Variants in KMT2C observed in about 807,000 individuals in gnomAD.
KMT2C encodes histone-lysine N-methyltransferase 2C.
In KMT2C, 88 loss-of-function variants were observed where a neutral mutation model predicts 507.9. The observed-to-expected ratio is 0.17, with a 90% CI of 0.15 to 0.21. The LOEUF (loss-of-function observed/expected upper bound fraction) is 0.21, where lower values mean the gene tolerates loss of function less well. Ranked by LOEUF, KMT2C falls within the 10% of genes least tolerant of loss-of-function variation. The pLI, the probability that KMT2C is intolerant of heterozygous loss-of-function variation, is 1.00. For synonymous variants in KMT2C, 2,049 were observed against 2,080.8 expected (o/e 0.98, Z 0.42); for missense variants, 4,954 against 5,957.8 (o/e 0.83, Z 5.55).
Position 152,252,679 on chromosome 7 carries a change from T to C in KMT2C, c.1336A>G (p.Ser446Gly), listed in dbSNP as rs2095580232. The C allele has an allele frequency of 1.9e-6, 3 of 1,613,516 alleles. No individual in the cohort carries two copies. The highest frequency in any genetic ancestry group is 1.7e-6 in the Non-Finnish European group (2 of 1,179,624). Residue 446 changes from serine to glycine, a missense_variant, in exon 10 of 59, where the codon AGT (serine) becomes GGT (glycine). By Grantham distance (56) the Ser-to-Gly change is moderately conservative. Around this residue, in one of 29 missense-constraint regions of KMT2C, gnomAD observed 376 missense variants for 352.4 expected, o/e 1.07. Transcript: ENST00000262189. The stretch of plus-strand genomic sequence containing the variant: ...AGGCAATTGTGGTGCCACTGAGAAC[T>C]AGACCGTGTGCCACACTCTATACAT... ...RICIECGTRSSSQWHHNCLIC... is the reference protein window; with the variant it reads ...RICIECGTRSGSQWHHNCLIC...
intron 37 of KMT2C, 41 bp from the exon 38 acceptor site, chr7:152,178,051 GTAT>G (rs764827725): frequency 1.6e-6 from 2 of 1,282,238 alleles, no homozygotes; most frequent in Non-Finnish European, 2.0e-6. Flanking sequence ...AAGCAAATAG[GTAT>G]TATGTTAAAT....
rs1251819359 is a variant in KMT2C, at chr7:152,177,001, C to T, written c.8452G>A (p.Val2818Ile). ...ACTTCCGTTTTTACCTCATTGGTAA[C>T]AGTGGATTTTTTCTGTGGTGAATGT... ...DKHSPQKKST[V>I]TNEVKTEVLS... The change falls in exon 38 of 59, where the codon GTT becomes ATT. Residue 2818 changes from valine to isoleucine, a missense_variant. Physicochemically the swap from Val to Ile is conservative, Grantham distance 29 (BLOSUM62 3). Around this residue, in one of 29 missense-constraint regions of KMT2C, gnomAD observed 1,689 missense variants for 1,654.3 expected, o/e 1.02. Coordinates refer to ENST00000262189, the MANE Select transcript of KMT2C (RefSeq NM_170606.3). The T allele has an allele frequency of 6.2e-7, 1 of 1,613,986 alleles. No individual in the cohort carries two copies. Among genetic ancestry groups the T allele is most frequent in the Admixed American group, 1.7e-5 (1 of 60,018 alleles).
At chr7:152,200,589 G>A (rs2094107277) in intron 26 of KMT2C, among the ~76,000 whole-genome samples, 1 of 152,032 alleles carries the variant, frequency 6.6e-6, no homozygotes, top group Non-Finnish European at 1.5e-5. Context: ...AATTAGCCAG[G>A]CATGCGCCAA....
At chr7:152,174,521 T>A (rs977841573) in intron 38 of KMT2C, among the ~76,000 whole-genome samples, 14 of 152,184 alleles carry the variant, frequency 9.2e-5, no homozygotes, top group Non-Finnish European at 1.3e-4. Context: ...TCATCCAAAC[T>A]TTTGCAATGC....
intron 3 of KMT2C, among the ~76,000 whole-genome samples, chr7:152,325,761 A>G (rs2096822619): frequency 6.6e-6 from 1 of 152,112 alleles, no homozygotes; most frequent in African/African-American, 2.4e-5. Flanking sequence ...ACCCTTTTCT[A>G]TAATTAGGGC....
At chr7:152,169,741 T>C (rs1396152472) in intron 40 of KMT2C, among the ~76,000 whole-genome samples, 2 of 152,142 alleles carry the variant, frequency 1.3e-5, no homozygotes, top group Non-Finnish European at 2.9e-5. Context: ...TCTTATTTTC[T>C]ACACACGCCT....
intron 6 of KMT2C, among the ~76,000 whole-genome samples, chr7:152,284,687 A>T (rs1264252226): frequency 6.6e-6 from 1 of 152,198 alleles, no homozygotes; most frequent in Non-Finnish European, 1.5e-5. Context: ...TCTGTGAATA[A>T]TATATAAAAA....
chr7:152,154,285 G>T lies in KMT2C; in HGVS notation c.12121C>A (p.Pro4041Thr), dbSNP rs754995276. Residue 4041 changes from proline (P) to threonine (T), a missense_variant, in exon 47 of 59, where the codon CCT (proline) becomes ACT (threonine). Coordinates refer to ENST00000262189, the MANE Select transcript of KMT2C (RefSeq NM_170606.3). The part of the protein sequence containing the change: ...PVPSPIIPIL[P>T]STAGKSSESR... Reference sequence around the variant, plus strand: ...TTCTTACTTTTCCCAGCAGTGCTAGGAAGAATTGGAATGATGGGGGACGGC... The same window carrying T: ...TTCTTACTTTTCCCAGCAGTGCTAGTAAGAATTGGAATGATGGGGGACGGC... 1.9e-6 allele frequency: 3 copies of T among 1,614,068 alleles called. No individual in the cohort carries two copies. Among genetic ancestry groups the T allele is most frequent in the Non-Finnish European group, 2.5e-6 (3 of 1,180,032 alleles).
At chr7:152,362,445 G>C (rs1383054973) in intron 1 of KMT2C, among the ~76,000 whole-genome samples, 1 of 151,986 alleles carries the variant, frequency 6.6e-6, no homozygotes, top group East Asian at 1.9e-4. Context: ...ACAAGAACTG[G>C]GGACTGGGAG....
chr7:152,207,154 T>C lies in KMT2C; in HGVS notation c.3841+146A>G, dbSNP rs2094331074. The C allele has an allele frequency of 4.0e-6, 3 of 741,778 alleles. No homozygotes were observed. In the East Asian group the frequency reaches 9.5e-5, roughly 24 times the overall value. The allele number at this position is 741,778 out of a possible 1,614,324, so 45.9% of individuals were successfully genotyped here. A position where few individuals can be genotyped will look rare whatever the true frequency, so the allele number is the denominator to read the frequency against. On this transcript the variant is annotated intron_variant, in intron 24 of 58. Coordinates refer to ENST00000262189, the MANE Select transcript of KMT2C (RefSeq NM_170606.3). ...AGCTAAAAAGTCGTATTCAAATAGT[T>C]TAGTTCTTTAATTTATGTGCACATA...
At chr7:152,327,197 C>A (rs931674646) in intron 3 of KMT2C, among the ~76,000 whole-genome samples, 3 of 152,144 alleles carry the variant, frequency 2.0e-5, no homozygotes, top group Non-Finnish European at 4.4e-5. Flanking sequence ...ACATGGATAG[C>A]CAATTATTGA....
At position 152,408,157 on chromosome 7, in the gene KMT2C, G is replaced by A. The variant is rs542428243; in HGVS notation, c.161+27469C>T. On this transcript the variant is annotated intron_variant, in intron 1 of 58. Coordinates refer to ENST00000262189, the MANE Select transcript of KMT2C (RefSeq NM_170606.3). Reference sequence around the variant, plus strand: ...ACAAAAATTAGGTGGGTGTGGTGACGTGTGCCTGTAATCCCAGCCACCTGG... The same window carrying A: ...ACAAAAATTAGGTGGGTGTGGTGACATGTGCCTGTAATCCCAGCCACCTGG... 8.7e-3 allele frequency among the ~76,000 whole-genome samples: 1,327 copies of A among 152,142 alleles called. 11 individuals are homozygous for A. Among genetic ancestry groups the A allele is most frequent in the African/African-American group, 0.031 (1,279 of 41,498 alleles).
At chr7:152,193,864 A>T (rs2093883492) in intron 31 of KMT2C, 145 bp downstream of exon 31, 1 of 570,346 alleles carries the variant, frequency 1.8e-6, no homozygotes, top group Non-Finnish European at 2.8e-6. Flanking sequence ...AGTATTTTTC[A>T]ATCATTACAA....
intron 1 of KMT2C, among the ~76,000 whole-genome samples, chr7:152,425,883 T>C (rs1252803276): frequency 6.6e-6 from 1 of 152,046 alleles, no homozygotes; most frequent in Non-Finnish European, 1.5e-5. Context: ...GGATAAAAGA[T>C]GTAAGAAATC....
intron 28 of KMT2C, chr7:152,195,470 A>G (rs773220102): frequency 2.5e-4 from 220 of 875,974 alleles, no homozygotes; most frequent in Admixed American, 8.7e-4. Flanking sequence ...AAATCACTAT[A>G]AAAAAAGAAG....
At chr7:152,355,534 AAGG>A (rs1365402235) in intron 2 of KMT2C, among the ~76,000 whole-genome samples, 1 of 150,768 alleles carries the variant, frequency 6.6e-6, no homozygotes, top group Non-Finnish European at 1.5e-5. Context: ...AAAACCAGTG[AAGG>A]AGTAGGAAAA....
At chr7:152,349,250 A>G (rs1052842841) in intron 2 of KMT2C, among the ~76,000 whole-genome samples, 1 of 152,110 alleles carries the variant, frequency 6.6e-6, no homozygotes, top group Non-Finnish European at 1.5e-5. Context: ...GTTCGAGACC[A>G]GCCTGATCAA....
intron 1 of KMT2C, among the ~76,000 whole-genome samples, chr7:152,409,563 CA>C (rs367688749): frequency 0.014 from 1,359 of 98,758 alleles, 5 homozygotes; most frequent in Non-Finnish European, 0.018. Context: ...GCTAAAAATA[CA>C]AAAAAAAAAA....
intron 1 of KMT2C, among the ~76,000 whole-genome samples, chr7:152,398,779 C>G (rs1589731603): frequency 1.3e-5 from 2 of 152,090 alleles, no homozygotes; most frequent in Non-Finnish European, 2.9e-5. Flanking sequence ...TTTTATGTGA[C>G]ATCTTCTAAT....
Sources: allele counts gnomAD v4.1 joint callset (sites outside exome capture counted in the v4.1 genomes callset), GRCh38; gene constraint gnomAD v4.1.1; regional missense constraint gnomAD v4.1.1; transcripts MANE v1.5; gene names NCBI Gene and HGNC (gene_info 2026-07-23, HGNC 2026-07-21).